Variants in ARID5B observed in about 807,000 individuals in gnomAD.
ARID5B encodes AT-rich interaction domain 5B.
A neutral mutation model predicts 97.2 loss-of-function variants in ARID5B; 13 were observed. That is an observed-to-expected ratio of 0.13 (90% CI 0.09 to 0.21). The LOEUF (loss-of-function observed/expected upper bound fraction) is 0.21, where lower values mean the gene tolerates loss of function less well. Among genes scored for constraint, ARID5B ranks in the 10% least tolerant of loss-of-function variants. The pLI, the probability that ARID5B is intolerant of heterozygous loss-of-function variation, is 1.00. For synonymous variants in ARID5B, 556 were observed against 570.3 expected, an observed-to-expected ratio of 0.97 and a Z score of 0.36; for missense variants, 1,210 against 1,465.3, an observed-to-expected ratio of 0.83 and a Z score of 2.84.
intron 2 of ARID5B, among the ~76,000 whole-genome samples, chr10:61,917,320 CTATT>C (rs528200954): frequency 3.3e-5 from 5 of 152,032 alleles, no homozygotes; most frequent in East Asian, 3.9e-4. Flanking sequence ...GTTGACCATT[CTATT>C]TATTTATTTA....
At chr10:62,050,736 G>T in intron 4 of ARID5B, 152 bp from the exon 5 acceptor site, 2 of 647,100 alleles carry the variant, frequency 3.1e-6, no homozygotes, top group Non-Finnish European at 5.4e-6. Flanking sequence ...AGCCTTCAGA[G>T]AGAGAAGCAT....
At chr10:61,935,945 C>G (rs1343747691) in intron 2 of ARID5B, among the ~76,000 whole-genome samples, 1 of 152,096 alleles carries the variant, frequency 6.6e-6, no homozygotes, top group African/African-American at 2.4e-5. Flanking sequence ...CATGTCACAT[C>G]GTTTCTGGAA....
intron 2 of ARID5B, among the ~76,000 whole-genome samples, chr10:61,925,109 G>T (rs1169922395): frequency 1.3e-5 from 2 of 152,096 alleles, no homozygotes. Context: ...GGAGGCTGAG[G>T]CAGGATAATC....
chr10:61,951,731 G>A (rs1490462422), intron 3 of ARID5B, among the ~76,000 whole-genome samples: 1 of 152,152 alleles, frequency 6.6e-6, no homozygotes, highest in Non-Finnish European at 1.5e-5. Flanking sequence ...GTTAGTATTT[G>A]TATATGTACC....
At chr10:62,058,665 T>G (rs10761603) in intron 6 of ARID5B, among the ~76,000 whole-genome samples, 65,554 of 151,764 alleles carry the variant, frequency 0.43, 15,484 homozygotes, top group Non-Finnish European at 0.56. Flanking sequence ...TCCTTCCCTT[T>G]TATCTGTTGT....
intron 3 of ARID5B, among the ~76,000 whole-genome samples, chr10:61,948,402 A>G (rs1389221098): frequency 2.3e-3 from 33 of 14,554 alleles, no homozygotes; most frequent in African/African-American, 0.011. Flanking sequence ...TTTTTTTTTG[A>G]GATGGAGTTT....
chr10:62,037,731 G>C (rs114518120), intron 4 of ARID5B, among the ~76,000 whole-genome samples: 1,600 of 152,288 alleles, frequency 0.011, 25 homozygotes, highest in African/African-American at 0.036. Context: ...ATGAAAGAAA[G>C]GGTATTTCAG....
intron 3 of ARID5B, among the ~76,000 whole-genome samples, chr10:61,941,512 C>T (rs1031046785): frequency 2.6e-5 from 4 of 151,770 alleles, no homozygotes; most frequent in South Asian, 4.2e-4. Flanking sequence ...GTGACAACTT[C>T]CTGGTTTTTT....
chr10:62,063,337 G>A (rs542981103), intron 7 of ARID5B, among the ~76,000 whole-genome samples: 2 of 152,138 alleles, frequency 1.3e-5, no homozygotes, highest in Middle Eastern at 3.4e-3. Flanking sequence ...TTGCTTCTGC[G>A]GTTAACTTGT....
At chr10:62,020,112 C>T (rs71508903) in intron 4 of ARID5B, among the ~76,000 whole-genome samples, 23,136 of 152,110 alleles carry the variant, frequency 0.15, 2,125 homozygotes, top group Middle Eastern at 0.21. Context: ...AGGATGGGAA[C>T]ATGTTTGAGT....
intron 4 of ARID5B, among the ~76,000 whole-genome samples, chr10:62,039,217 G>C (rs1199698092): frequency 4.6e-5 from 7 of 152,196 alleles, no homozygotes; most frequent in Non-Finnish European, 1.0e-4. Context: ...TACCAGAGGT[G>C]TGCAGATTGC....
chr10:62,053,470 C>T (rs899582095), intron 5 of ARID5B, among the ~76,000 whole-genome samples: 1 of 152,170 alleles, frequency 6.6e-6, no homozygotes, highest in African/African-American at 2.4e-5. Flanking sequence ...TTACATGGCT[C>T]CCCAAAGACA....
At chr10:62,019,887 T>C (rs1310020215) in intron 4 of ARID5B, among the ~76,000 whole-genome samples, 1 of 152,178 alleles carries the variant, frequency 6.6e-6, no homozygotes, top group Non-Finnish European at 1.5e-5. Flanking sequence ...CAAGGACTGG[T>C]TAATCGCCCA....
chr10:62,038,572 A>G (rs1351783847), intron 4 of ARID5B, among the ~76,000 whole-genome samples: 2 of 151,486 alleles, frequency 1.3e-5, no homozygotes, highest in Non-Finnish European at 3.0e-5. Context: ...TATAGCAGCT[A>G]TGGTTGTAAA....
intron 8 of ARID5B, among the ~76,000 whole-genome samples, chr10:62,071,030 C>CTT (rs565983973): frequency 2.0e-3 from 141 of 71,138 alleles, no homozygotes; most frequent in Middle Eastern, 8.2e-3. Context: ...TCATTCAGAA[C>CTT]TTTTTTTTTT....
intron 3 of ARID5B, among the ~76,000 whole-genome samples, chr10:61,997,361 A>T (rs10761600): frequency 0.34 from 51,977 of 151,590 alleles, 9,335 homozygotes; most frequent in Non-Finnish European, 0.4. Flanking sequence ...GCAGTTAGAG[A>T]TGGCATCATC....
At chr10:62,075,571 G>A (rs998159040) in intron 8 of ARID5B, among the ~76,000 whole-genome samples, 4 of 152,184 alleles carry the variant, frequency 2.6e-5, no homozygotes, top group Non-Finnish European at 5.9e-5. Context: ...AGGACGACTC[G>A]CCACATGTCT....
At chr10:61,954,613 T>A (rs1235554646) in intron 3 of ARID5B, among the ~76,000 whole-genome samples, 3 of 152,138 alleles carry the variant, frequency 2.0e-5, no homozygotes, top group Admixed American at 1.3e-4. Context: ...GAACTGGTGT[T>A]CTTGTGGTTT....
rs181380235 is a variant in ARID5B, at chr10:62,076,809, G to A, written c.1199+7012G>A. ...CTATGAACTATTATCCTAAGGTGCG[G>A]TGGGTAGACTCTGCCCATCCTCATC... On this transcript the variant is annotated intron_variant, in intron 8 of 9. Coordinates refer to ENST00000279873, the MANE Select transcript of ARID5B (RefSeq NM_032199.3). Among the ~76,000 whole-genome samples the A allele has an allele frequency of 4.0e-3, 613 of 152,256 alleles. 14 individuals are homozygous for A. The highest frequency in any genetic ancestry group is 0.034 in the Admixed American group (526 of 15,290).
Sources: allele counts gnomAD v4.1 joint callset (sites outside exome capture counted in the v4.1 genomes callset), GRCh38; gene constraint gnomAD v4.1.1; transcripts MANE v1.5; gene names NCBI Gene and HGNC (gene_info 2026-07-23, HGNC 2026-07-21).